Variants in PRKN observed in about 807,000 individuals in gnomAD.
The protein encoded by PRKN is parkin RBR E3 ubiquitin protein ligase.
PRKN carries 56 observed loss-of-function variants against 59.5 expected under a neutral mutation model. The ratio of observed to expected loss-of-function variants is 0.94; its 90% CI spans 0.76 to 1.18. The LOEUF is 1.18. PRKN is among the 50% of genes most tolerant of loss of function. PRKN has a pLI of 0.00. For synonymous variants in PRKN, 250 were observed against 222.1 expected, an observed-to-expected ratio of 1.13 and a Z score of -1.12; for missense variants, 657 against 596.4, an observed-to-expected ratio of 1.10 and a Z score of -1.06.
intron 4 of PRKN, among the ~76,000 whole-genome samples, chr6:162,064,805 A>G (rs1582978833): frequency 6.6e-6 from 1 of 152,274 alleles, no homozygotes; most frequent in East Asian, 1.9e-4. Context: ...AACCAAATAC[A>G]TAAAACAAAT....
chr6:161,841,018 C>T (rs568183945), intron 6 of PRKN, among the ~76,000 whole-genome samples: 8 of 152,198 alleles, frequency 5.3e-5, no homozygotes, highest in African/African-American at 1.9e-4. Flanking sequence ...GATGATTCCT[C>T]AAAGACCTAA....
At chr6:161,415,125 C>T (rs1158497489) in intron 9 of PRKN, among the ~76,000 whole-genome samples, 1 of 152,092 alleles carries the variant, frequency 6.6e-6, no homozygotes, top group African/African-American at 2.4e-5. Context: ...ATGGCTAACT[C>T]AACAGAATAC....
intron 9 of PRKN, among the ~76,000 whole-genome samples, chr6:161,426,214 G>A (rs184107195): frequency 2.2e-4 from 34 of 152,296 alleles, no homozygotes; most frequent in Admixed American, 1.4e-3. Context: ...CCAAAGGGGC[G>A]TGCTGAAGTA....
intron 5 of PRKN, among the ~76,000 whole-genome samples, chr6:162,028,257 T>A (rs1783510651): frequency 6.6e-6 from 1 of 152,356 alleles, no homozygotes; most frequent in Middle Eastern, 3.4e-3. Context: ...CATTTAAACA[T>A]TGCCATCAGT....
intron 5 of PRKN, among the ~76,000 whole-genome samples, chr6:162,029,662 G>C (rs926692458): frequency 1.3e-5 from 2 of 152,096 alleles, no homozygotes; most frequent in Non-Finnish European, 2.9e-5. Context: ...CCTTGACCCT[G>C]TCCAATTTGT....
At chr6:162,133,878 G>C (rs913404768) in intron 4 of PRKN, among the ~76,000 whole-genome samples, 2 of 152,162 alleles carry the variant, frequency 1.3e-5, no homozygotes, top group Non-Finnish European at 2.9e-5. Flanking sequence ...TGACAGGCTA[G>C]AGTGGGAGGT....
chr6:161,727,700 C>G (rs1787502829), intron 7 of PRKN, among the ~76,000 whole-genome samples: 1 of 152,180 alleles, frequency 6.6e-6, no homozygotes, highest in Non-Finnish European at 1.5e-5. Flanking sequence ...ACTTAACACA[C>G]AGGCATCAGA....
intron 6 of PRKN, among the ~76,000 whole-genome samples, chr6:161,945,386 A>G (rs574664609): frequency 6.6e-6 from 1 of 152,286 alleles, no homozygotes; most frequent in East Asian, 1.9e-4. Context: ...TTTTCTTTGA[A>G]TGAGTACAGT....
chr6:162,199,990 T>C (rs1562575483), intron 4 of PRKN, among the ~76,000 whole-genome samples: 1 of 152,160 alleles, frequency 6.6e-6, no homozygotes. Flanking sequence ...TCAAGTCTAA[T>C]GGCAAACTGT....
chr6:162,086,751 T>C (rs763730904), intron 4 of PRKN, among the ~76,000 whole-genome samples: 1 of 152,202 alleles, frequency 6.6e-6, no homozygotes, highest in Non-Finnish European at 1.5e-5. Context: ...TAGTAGCATT[T>C]ATCTCCATCT....
chr6:162,480,977 TG>T (rs1161541978), intron 1 of PRKN, among the ~76,000 whole-genome samples: 16 of 90,500 alleles, frequency 1.8e-4, no homozygotes, highest in Non-Finnish European at 3.8e-4. Context: ...AGCTAATTTT[TG>T]TGTGTGTGTG....
At chr6:162,217,612 G>A (rs543361596) in intron 3 of PRKN, among the ~76,000 whole-genome samples, 8 of 152,186 alleles carry the variant, frequency 5.3e-5, no homozygotes, top group South Asian at 2.1e-4. Flanking sequence ...GGCTGGTTTC[G>A]AACTCCTGAC....
At chr6:162,574,199 GC>G (rs1283954280) in intron 1 of PRKN, among the ~76,000 whole-genome samples, 3 of 151,958 alleles carry the variant, frequency 2.0e-5, no homozygotes, top group African/African-American at 7.3e-5. Flanking sequence ...CTCAAGATTA[GC>G]CCCCAAATCT....
At chr6:162,114,707 A>C (rs1192918239) in intron 4 of PRKN, among the ~76,000 whole-genome samples, 1 of 149,140 alleles carries the variant, frequency 6.7e-6, no homozygotes, top group Non-Finnish European at 1.5e-5. Context: ...CACTTCTCAA[A>C]AGAAGACATT....
intron 4 of PRKN, among the ~76,000 whole-genome samples, chr6:162,200,205 C>T (rs1031499746): frequency 1.3e-5 from 2 of 152,166 alleles, no homozygotes; most frequent in Non-Finnish European, 2.9e-5. Flanking sequence ...TCTGTGTTCT[C>T]TCCACCGCGG....
chr6:161,849,607 T>C (rs1793341752), intron 6 of PRKN, among the ~76,000 whole-genome samples: 1 of 152,182 alleles, frequency 6.6e-6, no homozygotes, highest in South Asian at 2.1e-4. Flanking sequence ...GCCCCCAAAC[T>C]CCTTCCTTTT....
chr6:162,717,614 T>C (rs1014242558), intron 1 of PRKN, among the ~76,000 whole-genome samples: 2 of 148,854 alleles, frequency 1.3e-5, no homozygotes, highest in South Asian at 2.1e-4. Flanking sequence ...CCTCCAGAAC[T>C]GTAAGAAAAT....
At chr6:162,266,112 C>A (rs1780119190) in intron 2 of PRKN, among the ~76,000 whole-genome samples, 2 of 152,122 alleles carry the variant, frequency 1.3e-5, no homozygotes, top group Admixed American at 1.3e-4. Flanking sequence ...AGAATTAGCA[C>A]CCTAGCCTAT....
At chr6:162,011,457 A>ATATTC (rs1256107727) in intron 5 of PRKN, among the ~76,000 whole-genome samples, 1 of 34,956 alleles carries the variant, frequency 2.9e-5, no homozygotes, top group Non-Finnish European at 4.4e-5. Context: ...AATATATAAT[A>ATATTC]TATATATTAT....
Sources: allele counts gnomAD v4.1 joint callset (sites outside exome capture counted in the v4.1 genomes callset), GRCh38; gene constraint gnomAD v4.1.1; transcripts MANE v1.5; gene names NCBI Gene and HGNC (gene_info 2026-07-23, HGNC 2026-07-21).